JAKMIP1: variants seen among roughly 807,000 people sequenced by gnomAD.
JAKMIP1 encodes janus kinase and microtubule interacting protein 1.
Under a neutral mutation model 113.0 loss-of-function variants are expected in JAKMIP1, and 33 were observed. The observed-to-expected ratio is 0.29, with a 90% CI of 0.22 to 0.39. JAKMIP1 has a LOEUF of 0.39. Among genes scored for constraint, JAKMIP1 ranks in the 10% least tolerant of loss-of-function variants. The pLI is 1.00. For synonymous variants in JAKMIP1, 480 were observed against 459.9 expected (o/e 1.04, Z -0.56); for missense variants, 813 against 1,080.5 (o/e 0.75, Z 3.47).
rs180815561 is a variant in JAKMIP1 at position 6,080,316 on chromosome 4, C to T, written c.1102-4G>A. The T allele has an allele frequency of 1.1e-4, 183 of 1,613,186 alleles. 1 individual carries two copies. In the East Asian group the frequency reaches 3.3e-3, roughly 29 times the overall value. On this transcript the variant is annotated splice_polypyrimidine_tract_variant and splice_region_variant and intron_variant, in intron 6 of 20. Transcript: ENST00000409021. This position sits in a 1 kb window ranked among gnomAD's most constrained non-coding sequence, Gnocchi z 6.0. Reference sequence around the variant, plus strand: ...CCTGCGCTGACAGCTTTTCTTTCTGCAGCCACAGGGAGACAGACCACCACA... The same window carrying T: ...CCTGCGCTGACAGCTTTTCTTTCTGTAGCCACAGGGAGACAGACCACCACA...
chr4:6,035,047 G>A (rs562079540), intron 19 of JAKMIP1, among the ~76,000 whole-genome samples: 12 of 152,314 alleles, frequency 7.9e-5, no homozygotes, highest in African/African-American at 2.6e-4. Context: ...CTGCCCTCCA[G>A]ATTGTGAACT....
intron 1 of JAKMIP1, among the ~76,000 whole-genome samples, chr4:6,127,740 G>A (rs1717905058): frequency 6.6e-6 from 1 of 152,210 alleles, no homozygotes; most frequent in South Asian, 2.1e-4. Flanking sequence ...TGGTCCCCCA[G>A]CCTCTCTCGA....
At chr4:6,117,111 C>G (rs1715902742) in intron 1 of JAKMIP1, among the ~76,000 whole-genome samples, 1 of 152,186 alleles carries the variant, frequency 6.6e-6, no homozygotes, top group Non-Finnish European at 1.5e-5. Context: ...GTGAAGCTGG[C>G]CCAGGACAGA....
Position 6,157,349 on chromosome 4 carries a change from G to T in JAKMIP1, c.-148+42904C>A, listed in dbSNP as rs62282964. ...AAGGCGCACGGGATGGGAAGCTGGCGCACAACACAGGGTTGTCCCAAGAAC... is the reference window on the plus strand; with the variant it reads ...AAGGCGCACGGGATGGGAAGCTGGCTCACAACACAGGGTTGTCCCAAGAAC... On this transcript the variant is annotated intron_variant, in intron 1 of 20. Transcript: ENST00000409021. The surrounding 1 kb of genome is among the most constrained non-coding windows in gnomAD (Gnocchi z 4.7). Among the ~76,000 whole-genome samples, 1 of 152,134 alleles carries T rather than the reference G, an allele frequency of 6.6e-6. No individual in the cohort carries two copies. The highest frequency in any genetic ancestry group is 2.1e-4 in the South Asian group (1 of 4,822).
In JAKMIP1 at chr4:6,173,635, T is replaced by C. The variant is rs1725001705; in HGVS notation, c.-148+26618A>G. Among the ~76,000 whole-genome samples the C allele has an allele frequency of 2.6e-5, 4 of 152,384 alleles. No individual in the cohort carries two copies. In the South Asian group the frequency reaches 6.2e-4, roughly 24 times the overall value. On this transcript the variant is annotated intron_variant, in intron 1 of 20. Coordinates refer to ENST00000409021, the MANE Select transcript of JAKMIP1 (RefSeq NM_001099433.2). ...CCTTCATCTTGATTCACCAACTGTT[T>C]AATTTTTCCTTATCCCATTTTTCTA...
chr4:6,106,284 C>T lies in JAKMIP1; in HGVS notation c.130-317G>A, dbSNP rs189492841. 6.6e-6 allele frequency among the ~76,000 whole-genome samples: 1 copy of T among 152,344 alleles called. No homozygotes were observed. Among genetic ancestry groups the T allele is most frequent in the Admixed American group, 6.5e-5 (1 of 15,310 alleles). ...GACGACTGCTCAATCACAAAACACA[C>T]CCTGCAGAAATCATCACCAAGACCC... On this transcript the variant is annotated intron_variant, in intron 2 of 20. Coordinates refer to ENST00000409021, the MANE Select transcript of JAKMIP1 (RefSeq NM_001099433.2). The surrounding 1 kb of genome is among the most constrained non-coding windows in gnomAD (Gnocchi z 5.9).
intron 5 of JAKMIP1, among the ~76,000 whole-genome samples, chr4:6,084,531 T>A (rs780185507): frequency 6.6e-6 from 1 of 152,004 alleles, no homozygotes; most frequent in African/African-American, 2.4e-5. Context: ...AACAATTGGG[T>A]TTTTTGGTTT....
intron 8 of JAKMIP1, among the ~76,000 whole-genome samples, chr4:6,073,668 A>C (rs1719291162): frequency 6.6e-6 from 1 of 152,204 alleles, no homozygotes; most frequent in African/African-American, 2.4e-5. Context: ...AAGAACCAGA[A>C]GCTTCCTTAG....
rs1400879589 is a variant in JAKMIP1, at chr4:6,141,602, T to C, written c.-147-28605A>G. 4.6e-5 allele frequency among the ~76,000 whole-genome samples: 7 copies of C among 152,240 alleles called. No homozygotes were observed. Among genetic ancestry groups the C allele is most frequent in the Non-Finnish European group, 1.0e-4 (7 of 68,034 alleles). ...GCAACAGCACCTATGCCCCAGGGCC[T>C]GGCCTGTGAATGCCCTTTCTCCTCC... On this transcript the variant is annotated intron_variant, in intron 1 of 20. Transcript: ENST00000409021. This position sits in a 1 kb window ranked among gnomAD's most constrained non-coding sequence, Gnocchi z 9.4.
At chr4:6,111,632 C>T (rs1342532231) in intron 2 of JAKMIP1, among the ~76,000 whole-genome samples, 1 of 152,180 alleles carries the variant, frequency 6.6e-6, no homozygotes, top group Admixed American at 6.5e-5. Context: ...GATCATGAGA[C>T]CAGTTAGCGG....
rs1434411204 is a variant in JAKMIP1, at chr4:6,093,788, A to T, written c.625-8159T>A. Among the ~76,000 whole-genome samples the T allele has an allele frequency of 6.6e-6, 1 of 152,184 alleles. No homozygotes were observed. Among genetic ancestry groups the T allele is most frequent in the Non-Finnish European group, 1.5e-5 (1 of 68,022 alleles). On this transcript the variant is annotated intron_variant, in intron 3 of 20. Transcript: ENST00000409021. This position sits in a 1 kb window ranked among gnomAD's most constrained non-coding sequence, Gnocchi z 4.6. Reference sequence around the variant, plus strand: ...GGGAAGAGGTCACTTTCCTCAAAGAAGGAGCCAGGTTTGCCCGTGGTAGGA... The same window carrying T: ...GGGAAGAGGTCACTTTCCTCAAAGATGGAGCCAGGTTTGCCCGTGGTAGGA...
At chr4:6,032,640 C>T (rs778040788) in intron 19 of JAKMIP1, among the ~76,000 whole-genome samples, 5 of 151,088 alleles carry the variant, frequency 3.3e-5, no homozygotes, top group Admixed American at 6.6e-5. Context: ...GCTTGGTACA[C>T]GAATGTTAGA....
In JAKMIP1 at chr4:6,167,643, C is replaced by G. The variant is rs75489106; in HGVS notation, c.-148+32610G>C. Reference sequence around the variant, plus strand: ...CGTTTCTGACAACCACCAGCCCTAACCACAGACTTCCATGGGCCGGGCACT... The same window carrying G: ...CGTTTCTGACAACCACCAGCCCTAAGCACAGACTTCCATGGGCCGGGCACT... On this transcript the variant is annotated intron_variant, in intron 1 of 20. Coordinates refer to ENST00000409021, the MANE Select transcript of JAKMIP1 (RefSeq NM_001099433.2). The surrounding 1 kb of genome is among the most constrained non-coding windows in gnomAD (Gnocchi z 5.3). Among the ~76,000 whole-genome samples, 1 of 152,170 alleles carries G rather than the reference C, an allele frequency of 6.6e-6. No individual in the cohort carries two copies. Among genetic ancestry groups the G allele is most frequent in the African/African-American group, 2.4e-5 (1 of 41,436 alleles).
rs991349517 is a variant in JAKMIP1 at position 6,050,154 on chromosome 4, G to A, written c.1909-282C>T. Among the ~76,000 whole-genome samples, 7 of 152,186 alleles carry A rather than the reference G, an allele frequency of 4.6e-5. No individual in the cohort carries two copies. Among genetic ancestry groups the A allele is most frequent in the Non-Finnish European group, 7.3e-5 (5 of 68,032 alleles). ...GGAGCTGAGCAGGGCTCTAGGACAC[G>A]GTAAACCCCGGGCCCTTCTAGCAAC... On this transcript the variant is annotated intron_variant, in intron 14 of 20. Coordinates refer to ENST00000409021, the MANE Select transcript of JAKMIP1 (RefSeq NM_001099433.2). The surrounding 1 kb of genome is among the most constrained non-coding windows in gnomAD (Gnocchi z 7.4).
intron 1 of JAKMIP1, among the ~76,000 whole-genome samples, chr4:6,126,784 C>T (rs1053292790): frequency 6.6e-6 from 1 of 151,234 alleles, no homozygotes; most frequent in Non-Finnish European, 1.5e-5. Context: ...CACCCATACA[C>T]CACTCACAAG....
chr4:6,186,216 C>T lies in JAKMIP1; in HGVS notation c.-148+14037G>A, dbSNP rs538723821. 8.5e-5 allele frequency among the ~76,000 whole-genome samples: 13 copies of T among 152,260 alleles called. No homozygotes were observed. Among genetic ancestry groups the T allele is most frequent in the South Asian group, 2.1e-4 (1 of 4,826 alleles). The stretch of plus-strand genomic sequence containing the variant: ...TGGAGCTTGCCAGGGGCAGGTCAGG[C>T]GGATGGGCAGGATGCAGACTGAGGA... On this transcript the variant is annotated intron_variant, in intron 1 of 20. Transcript: ENST00000409021. The surrounding 1 kb of genome is among the most constrained non-coding windows in gnomAD (Gnocchi z 5.5).
At chr4:6,033,055 C>A (rs1281070019) in intron 19 of JAKMIP1, among the ~76,000 whole-genome samples, 2 of 152,236 alleles carry the variant, frequency 1.3e-5, no homozygotes, top group African/African-American at 2.4e-5. Context: ...GGCTTCACTC[C>A]AACCTTCACT....
At position 6,140,525 on chromosome 4, in the gene JAKMIP1, T is replaced by C. The variant is rs1719981308; in HGVS notation, c.-147-27528A>G. ...TTAAGGCCCCTTCCAATAATGTGGC[T>C]CGGGTCTTTCTGCAGGGTCAGAGGG... On this transcript the variant is annotated intron_variant, in intron 1 of 20. Transcript: ENST00000409021. The surrounding 1 kb of genome is among the most constrained non-coding windows in gnomAD (Gnocchi z 9.4). Among the ~76,000 whole-genome samples the C allele has an allele frequency of 1.3e-5, 2 of 152,100 alleles. No homozygotes were observed. Among genetic ancestry groups the C allele is most frequent in the Non-Finnish European group, 2.9e-5 (2 of 68,034 alleles).
rs369055481 is a variant in JAKMIP1 at position 6,098,668 on chromosome 4, G to A, written c.624+6805C>T. The stretch of plus-strand genomic sequence containing the variant: ...AGAAAGGAAAGGAAAGGAAGAAAGA[G>A]AGAGAAAGAAAGAAAGAAAGAAAGA... On this transcript the variant is annotated intron_variant, in intron 3 of 20. Transcript: ENST00000409021. Among the ~76,000 whole-genome samples, 318 of 102,548 alleles carry A rather than the reference G, an allele frequency of 3.1e-3. 2 individuals carry two copies. The highest frequency in any genetic ancestry group is 6.1e-3 in the South Asian group (17 of 2,802). The allele number at this position is 102,548 out of a possible 152,430, so 67.3% of individuals were successfully genotyped here.
Sources: allele counts gnomAD v4.1 joint callset (sites outside exome capture counted in the v4.1 genomes callset), GRCh38; gene constraint gnomAD v4.1.1; non-coding constraint Gnocchi (gnomAD v3.1); transcripts MANE v1.5; gene names NCBI Gene and HGNC (gene_info 2026-07-23, HGNC 2026-07-21).